The following PDZD2 variants were observed in gnomAD, a reference collection of about 807,000 sequenced individuals.
PDZD2 encodes PDZ domain containing 2.
Under a neutral mutation model 220.7 loss-of-function variants are expected in PDZD2, and 90 were observed. That is an observed-to-expected ratio of 0.41 (90% CI 0.34 to 0.49). The LOEUF (loss-of-function observed/expected upper bound fraction) is 0.49, where lower values mean the gene tolerates loss of function less well. PDZD2 is among the 20% of genes least tolerant of loss of function. PDZD2 has a pLI of 0.28. For synonymous variants in PDZD2, 1,375 were observed against 1,450.5 expected, an observed-to-expected ratio of 0.95 and a Z score of 1.18; for missense variants, 3,174 against 3,608.5, an observed-to-expected ratio of 0.88 and a Z score of 3.08.
At chr5:32,038,727 C>T (rs1288626235) in intron 7 of PDZD2, among the ~76,000 whole-genome samples, 1 of 152,122 alleles carries the variant, frequency 6.6e-6, no homozygotes, top group Non-Finnish European at 1.5e-5. Flanking sequence ...CCGTGGCTCC[C>T]CCTACAACAG....
intron 1 of PDZD2, among the ~76,000 whole-genome samples, chr5:31,728,744 C>A (rs1248988246): frequency 6.6e-6 from 1 of 152,218 alleles, no homozygotes; most frequent in East Asian, 1.9e-4. Flanking sequence ...ATGTATGCAA[C>A]AAAGTTGGCG....
chr5:31,824,610 G>A (rs983892170), intron 2 of PDZD2, among the ~76,000 whole-genome samples: 4 of 151,884 alleles, frequency 2.6e-5, no homozygotes, highest in Admixed American at 2.0e-4. Context: ...ATGATGACTG[G>A]GTGTTCACGG....
intron 1 of PDZD2, among the ~76,000 whole-genome samples, chr5:31,660,034 C>A (rs75035277): frequency 6.6e-6 from 1 of 152,288 alleles, no homozygotes; most frequent in African/African-American, 2.4e-5. Flanking sequence ...TAAGGTGACC[C>A]AGCTGGGTAG....
At chr5:31,886,448 C>T (rs1008759075) in intron 2 of PDZD2, among the ~76,000 whole-genome samples, 4 of 152,114 alleles carry the variant, frequency 2.6e-5, no homozygotes, top group African/African-American at 7.2e-5. Flanking sequence ...CCTCTCTCCT[C>T]TCTCCTCTCT....
chr5:31,898,808 C>CTTTTTTTTTTTTTTTTTTTTT (rs35589628), intron 2 of PDZD2, among the ~76,000 whole-genome samples: 30 of 123,470 alleles, frequency 2.4e-4, no homozygotes, highest in Admixed American at 3.6e-4. Flanking sequence ...AGCCTCTCTT[C>CTTTTTTTTTTTTTTTTTTTTT]TTTTTTTTTT....
At chr5:31,890,135 ATTT>A (rs59916833) in intron 2 of PDZD2, among the ~76,000 whole-genome samples, 1 of 98,240 alleles carries the variant, frequency 1.0e-5, no homozygotes, top group Non-Finnish European at 1.9e-5. Context: ...CTTTTTTGTG[ATTT>A]TTTTTTTTTT....
intron 3 of PDZD2, among the ~76,000 whole-genome samples, chr5:31,992,927 T>G (rs2111949058): frequency 6.6e-6 from 1 of 151,036 alleles, no homozygotes; most frequent in South Asian, 2.1e-4. Context: ...ACAGGGCTGC[T>G]CCCTATGCTG....
intron 1 of PDZD2, among the ~76,000 whole-genome samples, chr5:31,727,714 A>G (rs548891590): frequency 1.2e-4 from 11 of 88,998 alleles, no homozygotes; most frequent in African/African-American, 1.3e-4. Flanking sequence ...AAAAAAAAAA[A>G]AAAGAAAGGC....
intron 2 of PDZD2, among the ~76,000 whole-genome samples, chr5:31,830,630 C>A (rs1012627166): frequency 6.6e-6 from 1 of 152,142 alleles, no homozygotes; most frequent in African/African-American, 2.4e-5. Context: ...TATCAGTAAG[C>A]CAGGCCCTGG....
intron 2 of PDZD2, among the ~76,000 whole-genome samples, chr5:31,831,906 T>C (rs1262445229): frequency 1.8e-4 from 21 of 117,588 alleles, no homozygotes; most frequent in Admixed American, 9.0e-5. Context: ...AGAGTGAGAC[T>C]GTTTCAAAAA....
intron 2 of PDZD2, among the ~76,000 whole-genome samples, chr5:31,871,722 T>C (rs1738811403): frequency 6.6e-6 from 1 of 152,230 alleles, no homozygotes; most frequent in Non-Finnish European, 1.5e-5. Flanking sequence ...GTGCTGGGAT[T>C]ACAGGCATGA....
chr5:32,079,152 A>T (rs1561527038), intron 19 of PDZD2, among the ~76,000 whole-genome samples: 1 of 150,558 alleles, frequency 6.6e-6, no homozygotes, highest in African/African-American at 2.4e-5. Context: ...CTAGCTTCTC[A>T]GGAGGCTGAG....
intron 1 of PDZD2, among the ~76,000 whole-genome samples, chr5:31,681,394 G>A (rs1399429350): frequency 6.6e-6 from 1 of 152,066 alleles, no homozygotes; most frequent in Non-Finnish European, 1.5e-5. Flanking sequence ...TTACAGGCAT[G>A]TGTCACCATA....
chr5:31,831,981 G>A (rs1580846919), intron 2 of PDZD2, among the ~76,000 whole-genome samples: 1 of 151,124 alleles, frequency 6.6e-6, no homozygotes, highest in African/African-American at 2.4e-5. Context: ...GAAAATTTTG[G>A]GCAAAGATAA....
At chr5:31,936,096 C>G (rs544132219) in intron 2 of PDZD2, 1 of 987,692 alleles carries the variant, frequency 1.0e-6, no homozygotes, top group African/African-American at 1.7e-5. Context: ...GGGTGGGGCT[C>G]TGGAGCTCAG....
At chr5:31,680,348 A>G (rs1746603143) in intron 1 of PDZD2, among the ~76,000 whole-genome samples, 1 of 152,156 alleles carries the variant, frequency 6.6e-6, no homozygotes, top group Non-Finnish European at 1.5e-5. Context: ...CTTGGTAGAC[A>G]TTGCAAAAGA....
intron 2 of PDZD2, among the ~76,000 whole-genome samples, chr5:31,814,094 G>T (rs1361780300): frequency 6.6e-6 from 1 of 152,104 alleles, no homozygotes; most frequent in Non-Finnish European, 1.5e-5. Flanking sequence ...CTATTTATTT[G>T]TGAGGTCACT....
chr5:31,907,804 G>A (rs180750867), intron 2 of PDZD2, among the ~76,000 whole-genome samples: 1 of 152,146 alleles, frequency 6.6e-6, no homozygotes, highest in Non-Finnish European at 1.5e-5. Context: ...GGATCAGGTG[G>A]CTGGGCCCGG....
chr5:31,644,455 G>T (rs1191108323), intron 1 of PDZD2, among the ~76,000 whole-genome samples: 1 of 152,226 alleles, frequency 6.6e-6, no homozygotes, highest in Non-Finnish European at 1.5e-5. Flanking sequence ...AGAAGACACT[G>T]GGAGCATTTA....
Sources: gnomAD v4.1 joint callset for allele counts (sites outside exome capture counted in the v4.1 genomes callset) on GRCh38, gnomAD v4.1.1 for gene constraint, MANE v1.5 for transcripts, NCBI Gene and HGNC (gene_info 2026-07-23, HGNC 2026-07-21) for gene names.